Variants in SLC1A3 observed in about 807,000 individuals in gnomAD.
The protein encoded by SLC1A3 is solute carrier family 1 member 3.
A neutral mutation model predicts 48.1 loss-of-function variants in SLC1A3; 21 were observed. The ratio of observed to expected loss-of-function variants is 0.44; its 90% CI spans 0.31 to 0.63. The LOEUF is 0.63. Ranked by LOEUF, SLC1A3 falls within the 20% of genes least tolerant of loss-of-function variation. The pLI is 0.08. For synonymous variants in SLC1A3, 239 were observed against 251.4 expected, an observed-to-expected ratio of 0.95 and a Z score of 0.47; for missense variants, 546 against 689.0, an observed-to-expected ratio of 0.79 and a Z score of 2.32.
At chr5:36,651,372 C>G (rs1329834611) in intron 3 of SLC1A3, among the ~76,000 whole-genome samples, 1 of 152,086 alleles carries the variant, frequency 6.6e-6, no homozygotes, top group African/African-American at 2.4e-5. Flanking sequence ...CCCCACAATC[C>G]AGGGTCTTGC....
chr5:36,634,735 A>G (rs1212855120), intron 3 of SLC1A3, among the ~76,000 whole-genome samples: 1 of 152,188 alleles, frequency 6.6e-6, no homozygotes, highest in East Asian at 1.9e-4. Context: ...TGTGTCACAT[A>G]TTATTTGGGC....
chr5:36,644,018 TAAATAAATA>T (rs1438653383), intron 3 of SLC1A3, among the ~76,000 whole-genome samples: 1 of 68,336 alleles, frequency 1.5e-5, no homozygotes, highest in Non-Finnish European at 3.8e-5. Context: ...TCTCAAAAAA[TAAATAAATA>T]AATAAATAAA....
At chr5:36,610,837 C>CT (rs1443167528) in intron 2 of SLC1A3, among the ~76,000 whole-genome samples, 2 of 152,058 alleles carry the variant, frequency 1.3e-5, no homozygotes, top group African/African-American at 4.8e-5. Flanking sequence ...TCATGGTTGG[C>CT]TTTACTAATG....
intron 3 of SLC1A3, among the ~76,000 whole-genome samples, chr5:36,643,819 C>T (rs1049035917): frequency 5.9e-5 from 9 of 151,902 alleles, no homozygotes; most frequent in African/African-American, 9.7e-5. Flanking sequence ...ATGGTAAAAC[C>T]AAGTCTCTAC....
chr5:36,649,063 A>G (rs1740949693), intron 3 of SLC1A3, among the ~76,000 whole-genome samples: 1 of 152,102 alleles, frequency 6.6e-6, no homozygotes. Flanking sequence ...ATTTATCTTG[A>G]CGAGGCCTGG....
rs186123082 is a variant in SLC1A3 at position 36,631,134 on chromosome 5, T to C, written c.319+1547T>C. Among the ~76,000 whole-genome samples the C allele has an allele frequency of 5.3e-3, 804 of 152,356 alleles. 10 individuals carry two copies. The highest frequency in any genetic ancestry group is 0.018 in the African/African-American group (755 of 41,580). ...TGGCAGGGCATCTGGATTAAGTGCC[T>C]GCAGTTTTCCTATACACAAACCGAG... On this transcript the variant is annotated intron_variant, in intron 3 of 9. Transcript: ENST00000265113.
chr5:36,686,021 C>A, intron 9 of SLC1A3, 44 bp from the exon 10 acceptor site: 1 of 1,533,770 alleles, frequency 6.5e-7, no homozygotes. Flanking sequence ...ACTTGTGATG[C>A]TCACGGGAGC....
intron 3 of SLC1A3, among the ~76,000 whole-genome samples, chr5:36,637,570 G>GA (rs1219939320): frequency 6.6e-6 from 1 of 152,110 alleles, no homozygotes; most frequent in Admixed American, 6.5e-5. Context: ...TTATCTCTAG[G>GA]AAAAATAAGA....
chr5:36,660,370 G>T (rs949287097), intron 3 of SLC1A3, among the ~76,000 whole-genome samples: 7 of 151,520 alleles, frequency 4.6e-5, no homozygotes, highest in Admixed American at 4.6e-4. Flanking sequence ...AATACTCCTT[G>T]AAAAAAAACA....
chr5:36,606,839 G>C lies in SLC1A3; in HGVS notation c.-96+104G>C, dbSNP rs543696249. 2.0e-5 allele frequency: 3 copies of C among 152,492 alleles called. No individual in the cohort carries two copies. In the South Asian group the frequency reaches 6.2e-4, roughly 32 times the overall value. 9.4% of individuals were successfully genotyped at this position (152,492 alleles called of 1,614,324 possible). On this transcript the variant is annotated intron_variant, in intron 1 of 9. Coordinates refer to ENST00000265113, the MANE Select transcript of SLC1A3 (RefSeq NM_004172.5). ...AGAGGAGTAGCCTGAATCAAGGCTA[G>C]CCATTTTGGTAGATAAAGTCCTTGT...
intron 2 of SLC1A3, among the ~76,000 whole-genome samples, chr5:36,615,191 G>T (rs1739380190): frequency 6.6e-6 from 1 of 152,114 alleles, no homozygotes; most frequent in Non-Finnish European, 1.5e-5. Flanking sequence ...CTGGGTACAG[G>T]CCCGGCTCCA....
intron 1 of SLC1A3, among the ~76,000 whole-genome samples, chr5:36,599,574 A>G (rs375063085): frequency 8.2e-5 from 10 of 121,408 alleles, no homozygotes; most frequent in African/African-American, 3.2e-4. Flanking sequence ...CAATGGTGCT[A>G]TTTTGGCTCA....
At chr5:36,678,129 C>T (rs563895363) in intron 6 of SLC1A3, among the ~76,000 whole-genome samples, 47 of 152,278 alleles carry the variant, frequency 3.1e-4, no homozygotes, top group Non-Finnish European at 4.9e-4. Flanking sequence ...ATCCAGTCTC[C>T]TCTGTGGTAC....
chr5:36,597,956 C>T (rs1433702676), intron 1 of SLC1A3, among the ~76,000 whole-genome samples: 4 of 152,166 alleles, frequency 2.6e-5, no homozygotes, highest in Non-Finnish European at 4.4e-5. Flanking sequence ...TATTTCATTG[C>T]TCATGTTTTC....
chr5:36,652,622 C>T (rs1741130350), intron 3 of SLC1A3, among the ~76,000 whole-genome samples: 1 of 152,106 alleles, frequency 6.6e-6, no homozygotes, highest in Non-Finnish European at 1.5e-5. Context: ...CCCAGAGTTA[C>T]CCATGGAGCA....
Position 36,688,313 on chromosome 5 carries a change from GA to G in SLC1A3, c.*2051del, listed in dbSNP as rs989474158. ...ACTTTGTAGATGTATTTTCAATAAA[GA>G]AAAAAATAGTTTTACATTAACATCT... On this transcript the variant is annotated 3_prime_UTR_variant, in exon 10 of 10. Transcript: ENST00000265113. 1.3e-5 allele frequency: 2 copies of G among 152,072 alleles called. No individual in the cohort carries two copies. The highest frequency in any genetic ancestry group is 2.9e-5 in the Non-Finnish European group (2 of 68,000). 9.4% of individuals were successfully genotyped at this position (152,072 alleles called of 1,614,324 possible).
At chr5:36,678,367 C>T (rs1423195023) in intron 6 of SLC1A3, among the ~76,000 whole-genome samples, 1 of 152,164 alleles carries the variant, frequency 6.6e-6, no homozygotes, top group African/African-American at 2.4e-5. Flanking sequence ...GGACATTTAT[C>T]TTCATATTAT....
chr5:36,674,905 T>C (rs1163913072), intron 5 of SLC1A3, among the ~76,000 whole-genome samples: 1 of 152,214 alleles, frequency 6.6e-6, no homozygotes, highest in Non-Finnish European at 1.5e-5. Flanking sequence ...TGGCTCTGTG[T>C]TGCAGATACA....
At chr5:36,668,025 G>A (rs527634618) in intron 3 of SLC1A3, 1 of 152,292 alleles carries the variant, frequency 6.6e-6, no homozygotes, top group East Asian at 1.9e-4. Flanking sequence ...ACATACCAAA[G>A]TAACTTCCCG....
Sources: allele counts gnomAD v4.1 joint callset (sites outside exome capture counted in the v4.1 genomes callset), GRCh38; gene constraint gnomAD v4.1.1; transcripts MANE v1.5; gene names NCBI Gene and HGNC (gene_info 2026-07-23, HGNC 2026-07-21).